TMPRSS4: variants seen among roughly 807,000 people sequenced by gnomAD.
TMPRSS4 encodes the protein transmembrane protease serine 4.
Under a neutral mutation model 56.4 loss-of-function variants are expected in TMPRSS4, and 45 were observed. The observed-to-expected ratio is 0.80, with a 90% CI of 0.63 to 1.02. The LOEUF is 1.02. TMPRSS4 is among the 50% of genes least tolerant of loss of function. TMPRSS4 has a pLI of 0.00. For missense variants in TMPRSS4, 546 were observed against 556.7 expected (o/e 0.98, Z 0.19); for synonymous variants, 205 against 211.0 (o/e 0.97, Z 0.25).
chr11:118,117,872 C>T (rs1947644032), intron 12 of TMPRSS4, 30 bp from the exon 13 acceptor site: 1 of 1,614,062 alleles, frequency 6.2e-7, no homozygotes, highest in Non-Finnish European at 8.5e-7. Flanking sequence ...GATAATCTGA[C>T]TTTCTCTTCA....
At chr11:118,109,596 G>C (rs73600174) in intron 7 of TMPRSS4, among the ~76,000 whole-genome samples, 137 of 152,282 alleles carry the variant, frequency 9.0e-4, no homozygotes, top group African/African-American at 3.3e-3. Flanking sequence ...TAGTCCAACT[G>C]CCCATCAAGG....
intron 1 of TMPRSS4, among the ~76,000 whole-genome samples, chr11:118,094,025 A>G (rs1946143738): frequency 6.6e-6 from 1 of 152,232 alleles, no homozygotes; most frequent in Non-Finnish European, 1.5e-5. Context: ...ATACCAGTTT[A>G]TCCACTCTAC....
intron 8 of TMPRSS4, among the ~76,000 whole-genome samples, 157 bp downstream of exon 8, chr11:118,112,057 C>T (rs1399617355): frequency 6.6e-6 from 1 of 152,116 alleles, no homozygotes; most frequent in Non-Finnish European, 1.5e-5. Flanking sequence ...GCCATGATGC[C>T]CTTTGTTAGG....
chr11:118,117,571 CTT>C, intron 12 of TMPRSS4, 117 bp downstream of exon 12: 2 of 1,501,912 alleles, frequency 1.3e-6, no homozygotes, highest in Middle Eastern at 1.9e-4. Context: ...TCCCAAATAA[CTT>C]TCCCTCCAAG....
chr11:118,115,396 T>A, intron 11 of TMPRSS4, 116 bp downstream of exon 11: 1 of 1,262,886 alleles, frequency 7.9e-7, no homozygotes, highest in Non-Finnish European at 1.1e-6. Context: ...GGGCACTCAA[T>A]GTGTGATGAT....
At chr11:118,100,434 C>T (rs902166048) in intron 3 of TMPRSS4, among the ~76,000 whole-genome samples, 3 of 152,196 alleles carry the variant, frequency 2.0e-5, no homozygotes, top group Non-Finnish European at 4.4e-5. Flanking sequence ...GACTCTGGTC[C>T]TCATTCTACA....
chr11:118,117,079 G>C (rs1310120580), intron 11 of TMPRSS4, among the ~76,000 whole-genome samples: 3 of 152,166 alleles, frequency 2.0e-5, no homozygotes, highest in Non-Finnish European at 2.9e-5. Flanking sequence ...GAATCTCTGA[G>C]AGAAGGCTAA....
Position 118,103,235 on chromosome 11 carries a change from G to T in TMPRSS4, c.292G>T (p.Glu98Ter). Residue 98 changes from glutamate (E) to a stop codon, truncating the protein, a stop_gained, in exon 4 of 13, where the codon GAA becomes TAA. Transcript: ENST00000437212. LOFTEE classifies it high-confidence loss of function. ...DEEHCVKSFP[E>*]GPAVAVRLSK... ...GGAGCACTGTGTCAAGAGCTTCCCC[G>T]AAGGGCCTGCAGTGGCAGGTGAGTG... 6.2e-7 allele frequency: 1 copy of T among 1,613,876 alleles called. No homozygotes were observed. The highest frequency in any genetic ancestry group is 8.5e-7 in the Non-Finnish European group (1 of 1,179,968).
chr11:118,098,096 A>T (rs1034024460), intron 2 of TMPRSS4, among the ~76,000 whole-genome samples: 1 of 152,154 alleles, frequency 6.6e-6, no homozygotes, highest in African/African-American at 2.4e-5. Flanking sequence ...AATTAATTTG[A>T]TCCTGTCTCT....
chr11:118,118,688 T>TTCCC lies in TMPRSS4; in HGVS notation c.*785_*788dup, dbSNP rs1167385524. 1 of 984,882 alleles carries TTCCC rather than the reference T, an allele frequency of 1.0e-6. No homozygotes were observed. Among genetic ancestry groups the TTCCC allele is most frequent in the Non-Finnish European group, 1.2e-6 (1 of 830,262 alleles). 61.0% of individuals were successfully genotyped at this position (984,882 alleles called of 1,614,324 possible). A position where few individuals can be genotyped will look rare whatever the true frequency, so the allele number is the denominator to read the frequency against. On this transcript the variant is annotated 3_prime_UTR_variant, in exon 13 of 13. Coordinates refer to ENST00000437212, the MANE Select transcript of TMPRSS4 (RefSeq NM_019894.4). ...CACAGGGCCTTCTCCCTTTGCCTCT[T>TTCCC]TCCCTCCCTCCCTGCCTGTGATAAT...
rs1170336226 is a variant in TMPRSS4, at chr11:118,096,967, GGAAAGAAAGAAAGAAAGAAA to G, written c.44-1969_44-1950del. 9.4e-3 allele frequency among the ~76,000 whole-genome samples: 90 copies of G among 9,524 alleles called. 10 individuals carry two copies. The highest frequency in any genetic ancestry group is 0.082 in the East Asian group (46 of 558). 6.2% of individuals were successfully genotyped at this position (9,524 alleles called of 152,430 possible). A position where few individuals can be genotyped will look rare whatever the true frequency, so the allele number is the denominator to read the frequency against. On this transcript the variant is annotated intron_variant, in intron 2 of 12. Coordinates refer to ENST00000437212, the MANE Select transcript of TMPRSS4 (RefSeq NM_019894.4). ...GAAAGAAAGGAAGGAAAGAAAGAAA[GGAAAGAAAGAAAGAAAGAAA>G]GAAAGAAAGAAAGAAAGAAAGAAAG...
chr11:118,114,098 C>T (rs757561598), intron 9 of TMPRSS4, among the ~76,000 whole-genome samples: 6 of 152,180 alleles, frequency 3.9e-5, no homozygotes, highest in Non-Finnish European at 8.8e-5. Context: ...GTTTAACCTA[C>T]ATTTTTTAAA....
chr11:118,102,378 A>G (rs1481281225), intron 3 of TMPRSS4, among the ~76,000 whole-genome samples: 1 of 152,222 alleles, frequency 6.6e-6, no homozygotes, highest in East Asian at 1.9e-4. Flanking sequence ...CAGATGAGGA[A>G]ACTGAGAACT....
At chr11:118,086,816 C>G (rs147344612) in intron 1 of TMPRSS4, 1 of 152,922 alleles carries the variant, frequency 6.5e-6, no homozygotes, top group African/African-American at 2.4e-5. Context: ...ATCAAACTGC[C>G]TATTCCAGCT....
At chr11:118,102,643 A>C (rs1275194589) in intron 3 of TMPRSS4, among the ~76,000 whole-genome samples, 1 of 152,222 alleles carries the variant, frequency 6.6e-6, no homozygotes, top group Non-Finnish European at 1.5e-5. Context: ...TGGGAGGCAG[A>C]GGCTACAGTG....
intron 1 of TMPRSS4, among the ~76,000 whole-genome samples, chr11:118,085,223 CT>C: frequency 8.5e-6 from 1 of 118,114 alleles, no homozygotes; most frequent in Admixed American, 9.6e-5. Context: ...AGATCTTCTT[CT>C]TCTTTTTTTT....
At position 118,103,373 on chromosome 11, in the gene TMPRSS4, G is replaced by GTTGTTTGTTTGTTTGT. The variant is rs1299725467; in HGVS notation, c.310+122_310+123insGTTTGTTTGTTTGTTT. ...TCACTTTTCATCCTTGTTGTATAAG[G>GTTGTTTGTTTGTTTGT]TTCTTTGTTTGTTTGTTTGTTGTTG... On this transcript the variant is annotated intron_variant, in intron 4 of 12. Coordinates refer to ENST00000437212, the MANE Select transcript of TMPRSS4 (RefSeq NM_019894.4). The GTTGTTTGTTTGTTTGT allele has an allele frequency of 2.0e-5, 6 of 296,506 alleles. No homozygotes were observed. In the African/African-American group the frequency reaches 2.6e-4, roughly 13 times the overall value. 18.4% of individuals were successfully genotyped at this position (296,506 alleles called of 1,614,324 possible).
intron 5 of TMPRSS4, chr11:118,105,881 C>T (rs933387929): frequency 5.3e-5 from 8 of 152,228 alleles, no homozygotes; most frequent in Admixed American, 3.3e-4. Flanking sequence ...TCAGTAAATG[C>T]TCCAGGCAGC....
At position 118,090,804 on chromosome 11, in the gene TMPRSS4, T is replaced by TCA. The variant is rs891098948; in HGVS notation, c.4-3997_4-3996dup. ...CTCTCTTTCTTTCTCTCTCACTCTG[T>TCA]CACACACACACACACAAACACACAC... On this transcript the variant is annotated intron_variant, in intron 1 of 12. Coordinates refer to ENST00000437212, the MANE Select transcript of TMPRSS4 (RefSeq NM_019894.4). 2.7e-3 allele frequency among the ~76,000 whole-genome samples: 391 copies of TCA among 142,724 alleles called. 5 individuals carry two copies. The highest frequency in any genetic ancestry group is 3.0e-3 in the Non-Finnish European group (200 of 66,362). 93.6% of individuals were successfully genotyped at this position (142,724 alleles called of 152,430 possible).
Sources: gnomAD v4.1 joint callset for allele counts (sites outside exome capture counted in the v4.1 genomes callset) on GRCh38, gnomAD v4.1.1 for gene constraint, MANE v1.5 for transcripts, NCBI Gene and HGNC (gene_info 2026-07-23, HGNC 2026-07-21) for gene names.